TMEM94: variants seen among roughly 807,000 people sequenced by gnomAD.
TMEM94 encodes transmembrane protein 94.
TMEM94 carries 81 observed loss-of-function variants against 158.6 expected under a neutral mutation model. That is an observed-to-expected ratio of 0.51 (90% CI 0.43 to 0.61). The LOEUF (loss-of-function observed/expected upper bound fraction) is 0.61. Among genes scored for constraint, TMEM94 ranks in the 20% least tolerant of loss-of-function variants. TMEM94 has a pLI of 0.00. For synonymous variants in TMEM94, 751 were observed against 730.7 expected, an observed-to-expected ratio of 1.03 and a Z score of -0.45; for missense variants, 1,435 against 1,762.0, an observed-to-expected ratio of 0.81 and a Z score of 3.32.
chr17:75,484,807 C>T (rs528552006), intron 2 of TMEM94, among the ~76,000 whole-genome samples: 2 of 152,146 alleles, frequency 1.3e-5, no homozygotes, highest in East Asian at 2.0e-4. Context: ...GAGGCCAAGG[C>T]GGGCAGATCA....
chr17:75,492,068 C>T lies in TMEM94; in HGVS notation c.1596+168C>T, dbSNP rs955690216. ...CCTGAGGCCCTCCCCAAGTCTGCTG[C>T]GAAGTAGGTGGAGCCTCCCCCTACC... On this transcript the variant is annotated intron_variant, in intron 14 of 31. Coordinates refer to ENST00000314256, the MANE Select transcript of TMEM94 (RefSeq NM_014738.6). This position sits in a 1 kb window ranked among gnomAD's most constrained non-coding sequence, Gnocchi z 4.4. 2.5e-6 allele frequency: 2 copies of T among 801,218 alleles called. No homozygotes were observed. The highest frequency in any genetic ancestry group is 1.7e-5 in the African/African-American group (1 of 57,382). 49.6% of individuals were successfully genotyped at this position (801,218 alleles called of 1,614,324 possible).
At position 75,489,487 on chromosome 17, in the gene TMEM94, C is replaced by T. The variant is rs557795373; in HGVS notation, c.868-89C>T. ...TGCAGAGGGTCCCAGAGTGAGCCAGCCTGTGGAGTAGCAAAGGAAGGGGAA... is the reference window on the plus strand; with the variant it reads ...TGCAGAGGGTCCCAGAGTGAGCCAGTCTGTGGAGTAGCAAAGGAAGGGGAA... On this transcript the variant is annotated intron_variant, in intron 8 of 31. Transcript: ENST00000314256. This position sits in a 1 kb window ranked among gnomAD's most constrained non-coding sequence, Gnocchi z 5.0. The T allele has an allele frequency of 6.7e-6, 10 of 1,482,916 alleles. No individual in the cohort carries two copies. The highest frequency in any genetic ancestry group is 9.4e-6 in the Non-Finnish European group (10 of 1,061,806). 91.9% of individuals were successfully genotyped at this position (1,482,916 alleles called of 1,614,324 possible).
intron 6 of TMEM94, 60 bp from the exon 7 acceptor site, chr17:75,488,699 C>G: frequency 6.3e-7 from 1 of 1,592,890 alleles, no homozygotes; most frequent in Non-Finnish European, 8.6e-7. Flanking sequence ...ATGAATTGTC[C>G]AGGAAGAGTG....
Position 75,485,982 on chromosome 17 carries a change from G to A in TMEM94, c.256G>A (p.Gly86Arg). The A allele has an allele frequency of 6.2e-7, 1 of 1,611,498 alleles. No individual in the cohort carries two copies. The highest frequency in any genetic ancestry group is 8.5e-7 in the Non-Finnish European group (1 of 1,179,294). The change falls in exon 4 of 32, where the codon GGA (glycine) becomes AGA (arginine). Residue 86 changes from glycine to arginine, a missense_variant. Coordinates refer to ENST00000314256, the MANE Select transcript of TMEM94 (RefSeq NM_014738.6). This position sits in a 1 kb window ranked among gnomAD's most constrained non-coding sequence, Gnocchi z 5.5. ...GCTGCTGCTGCTGGGCTGCTGCGGGGGACAGCCAGCCGGGAGGTGTGCGCC... is the reference window on the plus strand; with the variant it reads ...GCTGCTGCTGCTGGGCTGCTGCGGGAGACAGCCAGCCGGGAGGTGTGCGCC... Reference protein sequence around the residue: ...AVLLLLGCCGGQPAGSRGVGL... With the variant: ...AVLLLLGCCGRQPAGSRGVGL...
Position 75,495,567 on chromosome 17 carries a change from C to T in TMEM94, c.2868C>T (p.His956=). The T allele has an allele frequency of 1.2e-6, 2 of 1,613,584 alleles. No homozygotes were observed. The highest frequency in any genetic ancestry group is 2.7e-5 in the African/African-American group (2 of 75,062). The change falls in exon 22 of 32, where the codon CAC becomes CAT. Residue 956 remains histidine (H), a synonymous_variant. Coordinates refer to ENST00000314256, the MANE Select transcript of TMEM94 (RefSeq NM_014738.6). The surrounding 1 kb of genome is among the most constrained non-coding windows in gnomAD (Gnocchi z 5.6). The stretch of plus-strand genomic sequence containing the variant: ...AGGCCAAGCTGCCCCGGGGTATCCA[C>T]CAAGTGCGGCCCCACCTGCAGAACA... ...SNRAKLPRGI[H]QVRPHLQNID...
At chr17:75,486,512 G>GA in intron 5 of TMEM94, 86 bp downstream of exon 5, 1 of 1,549,518 alleles carries the variant, frequency 6.5e-7, no homozygotes, top group Non-Finnish European at 8.8e-7. Context: ...CCCCAGCACA[G>GA]ACGGGTTGCC....
chr17:75,465,450 A>C (rs1024304543), intron 1 of TMEM94, among the ~76,000 whole-genome samples: 30 of 151,252 alleles, frequency 2.0e-4, no homozygotes, highest in Non-Finnish European at 3.5e-4. Flanking sequence ...ATTTATTTTA[A>C]GACAAGTTCT....
In TMEM94 at chr17:75,488,869, G is replaced by A. The variant is rs1469717531; in HGVS notation, c.723G>A (p.Arg241=). 2 of 1,610,644 alleles carry A rather than the reference G, an allele frequency of 1.2e-6. No individual in the cohort carries two copies. Among genetic ancestry groups the A allele is most frequent in the African/African-American group, 2.7e-5 (2 of 74,846 alleles). ...ERGPQSPQQH[R]LFRVLETPVI... The stretch of plus-strand genomic sequence containing the variant: ...GGCCACAGAGCCCCCAGCAGCACCG[G>A]CTTTTCCGTGTCCTTGAGACCCCTG... The change falls in exon 7 of 32, where the codon CGG becomes CGA. Residue 241 remains arginine (R), a synonymous_variant. Coordinates refer to ENST00000314256, the MANE Select transcript of TMEM94 (RefSeq NM_014738.6).
In TMEM94 at chr17:75,485,772, A is replaced by AC; in HGVS notation, c.145-97dup. 4 of 1,457,648 alleles carry AC rather than the reference A, an allele frequency of 2.7e-6. No individual in the cohort carries two copies. The allele number at this position is 1,457,648 out of a possible 1,614,324, so 90.3% of individuals were successfully genotyped here. ...GCCCAGCCGAGGTCAAAGAGAGGGG[A>AC]CCAAGGCGGCCATGGGGGCTGGGAA... On this transcript the variant is annotated intron_variant, in intron 3 of 31. Coordinates refer to ENST00000314256, the MANE Select transcript of TMEM94 (RefSeq NM_014738.6). This position sits in a 1 kb window ranked among gnomAD's most constrained non-coding sequence, Gnocchi z 5.5.
intron 2 of TMEM94, among the ~76,000 whole-genome samples, chr17:75,483,842 T>C (rs1216687718): frequency 6.6e-6 from 1 of 152,068 alleles, no homozygotes; most frequent in African/African-American, 2.4e-5. Context: ...ACATTCAGGG[T>C]AGCGGTCAGA....
In TMEM94 at chr17:75,486,432, G is replaced by A; in HGVS notation, c.409+6G>A. Reference sequence around the variant, plus strand: ...GATCATTGACCAAATCCAAGGTGAGGTCAAGGGCAGGCATATTGGTGGGAA... The same window carrying A: ...GATCATTGACCAAATCCAAGGTGAGATCAAGGGCAGGCATATTGGTGGGAA... On this transcript the variant is annotated splice_donor_region_variant and intron_variant, in intron 5 of 31. Transcript: ENST00000314256. 1 of 1,614,214 alleles carries A rather than the reference G, an allele frequency of 6.2e-7. No individual in the cohort carries two copies. The highest frequency in any genetic ancestry group is 8.5e-7 in the Non-Finnish European group (1 of 1,180,038).
intron 25 of TMEM94, 144 bp from the exon 26 acceptor site, chr17:75,496,969 C>A: frequency 1.0e-6 from 1 of 998,702 alleles, no homozygotes; most frequent in Non-Finnish European, 1.5e-6. Flanking sequence ...CCCTCATTGG[C>A]AGAAGAGTAT....
intron 2 of TMEM94, among the ~76,000 whole-genome samples, chr17:75,479,036 A>G (rs2050944573): frequency 6.6e-6 from 1 of 152,186 alleles, no homozygotes. Context: ...GTGCCCAGGT[A>G]CATTGGGTAG....
rs756838547 is a variant in TMEM94, at chr17:75,486,264, G to A, written c.273-26G>A. On this transcript the variant is annotated intron_variant, in intron 4 of 31. Coordinates refer to ENST00000314256, the MANE Select transcript of TMEM94 (RefSeq NM_014738.6). ...GTGGGCGAGCCCTCACTCCCTGTGG[G>A]TGCGGCCTCTCTTTCCTCCCACCAG... 5.0e-6 allele frequency: 8 copies of A among 1,613,548 alleles called. No homozygotes were observed. In the African/African-American group the frequency reaches 5.3e-5, roughly 11 times the overall value.
At position 75,499,023 on chromosome 17, in the gene TMEM94, C is replaced by T; in HGVS notation, c.3939C>T (p.Gly1313=). ...TGCCCCTGCTGACATGGCTCCTGGG[C>T]TGCCTGTCCCTGGTCCTTGTGGTGG... is the stretch of plus-strand genomic sequence containing the variant. The part of the protein sequence containing the change: ...EDVPLLTWLL[G]CLSLVLVVVT... The change falls in exon 31 of 32, where the codon GGC becomes GGT. Residue 1313 remains glycine, a synonymous_variant. Transcript: ENST00000314256. The T allele has an allele frequency of 6.2e-7, 1 of 1,603,618 alleles. No homozygotes were observed.
chr17:75,483,973 G>A (rs1357854153), intron 2 of TMEM94, among the ~76,000 whole-genome samples: 2 of 152,298 alleles, frequency 1.3e-5, no homozygotes, highest in African/African-American at 2.4e-5. Context: ...TGGGGTAGAC[G>A]GATGGGGAAG....
At position 75,489,377 on chromosome 17, in the gene TMEM94, G is replaced by GGCGGGGCTGT. The variant is rs764964150; in HGVS notation, c.867+19_867+28dup. 6.2e-7 allele frequency: 1 copy of GGCGGGGCTGT among 1,613,480 alleles called. No individual in the cohort carries two copies. The highest frequency in any genetic ancestry group is 1.7e-5 in the Admixed American group (1 of 60,034). On this transcript the variant is annotated intron_variant, in intron 8 of 31. Transcript: ENST00000314256. This position sits in a 1 kb window ranked among gnomAD's most constrained non-coding sequence, Gnocchi z 5.0. ...CTGTGCCCGTGGTCCTGGTGCGTGT[G>GGCGGGGCTGT]GCGGGGCTGTGCGGGGCTGCATGGG...
In TMEM94 at chr17:75,478,003, C is replaced by CTTTTTTTTTTT. The variant is rs909668190; in HGVS notation, c.24+6094_24+6104dup. 8.6e-5 allele frequency among the ~76,000 whole-genome samples: 5 copies of CTTTTTTTTTTT among 57,916 alleles called. 1 individual carries two copies. The highest frequency in any genetic ancestry group is 3.1e-4 in the African/African-American group (3 of 9,554). The allele number at this position is 57,916 out of a possible 152,430, so 38.0% of individuals were successfully genotyped here. A position where few individuals can be genotyped will look rare whatever the true frequency, so the allele number is the denominator to read the frequency against. On this transcript the variant is annotated intron_variant, in intron 2 of 31. Coordinates refer to ENST00000314256, the MANE Select transcript of TMEM94 (RefSeq NM_014738.6). ...CCTGGGCAACAAAGCGAGACTCCAT[C>CTTTTTTTTTTT]TTTTTTTTTTTTTTTTTTTTTTTTT... is the stretch of plus-strand genomic sequence containing the variant.
chr17:75,497,319 G>A (rs2052796509), intron 26 of TMEM94, 121 bp downstream of exon 26: 1 of 684,848 alleles, frequency 1.5e-6, no homozygotes, highest in Non-Finnish European at 2.5e-6. Context: ...TCTGGTACAG[G>A]AGGCATGGAG....
Sources: allele counts gnomAD v4.1 joint callset (sites outside exome capture counted in the v4.1 genomes callset), GRCh38; gene constraint gnomAD v4.1.1; non-coding constraint Gnocchi (gnomAD v3.1); transcripts MANE v1.5; gene names NCBI Gene and HGNC (gene_info 2026-07-23, HGNC 2026-07-21).